The following ZNF585B variants were observed in gnomAD, a reference collection of about 807,000 sequenced individuals.
The protein encoded by ZNF585B is zinc finger protein 41-like protein.
ZNF585B carries 7 observed loss-of-function variants against 14.0 expected under a neutral mutation model. The observed-to-expected ratio is 0.50, with a 90% CI of 0.28 to 0.94. ZNF585B has a LOEUF of 0.94. Ranked by LOEUF, ZNF585B falls within the 40% of genes least tolerant of loss-of-function variation. ZNF585B has a pLI of 0.09. For synonymous variants in ZNF585B, 290 were observed against 317.3 expected (o/e 0.91, Z 0.91); for missense variants, 750 against 924.4 (o/e 0.81, Z 2.45).
intron 2 of ZNF585B, 23 bp downstream of exon 2, chr19:37,207,017 C>A: frequency 6.2e-7 from 1 of 1,613,028 alleles, no homozygotes; most frequent in Non-Finnish European, 8.5e-7. Flanking sequence ...GAAATTCCAC[C>A]CCTTGGGACT....
chr19:37,206,982 G>A (rs374949566), intron 2 of ZNF585B, 58 bp downstream of exon 2: 103 of 1,605,856 alleles, frequency 6.4e-5, no homozygotes, highest in Non-Finnish European at 8.4e-5. Flanking sequence ...TGTGGTGACA[G>A]ATTAGAGCTA....
rs138242364 is a variant in ZNF585B, at chr19:37,188,562, G to A, written c.292+1099C>T. ...CCCACCCCTGTAATCCCAGCTACTC[G>A]GGAGGCTGAGGCAAGAGAATCATTT... On this transcript the variant is annotated intron_variant, in intron 4 of 4. Coordinates refer to ENST00000532828, the MANE Select transcript of ZNF585B (RefSeq NM_152279.4). Among the ~76,000 whole-genome samples, 1,217 of 152,236 alleles carry A rather than the reference G, an allele frequency of 8.0e-3. 23 individuals are homozygous for A. Among genetic ancestry groups the A allele is most frequent in the African/African-American group, 0.028 (1,157 of 41,550 alleles).
intron 2 of ZNF585B, among the ~76,000 whole-genome samples, chr19:37,192,671 G>A (rs2145435584): frequency 1.3e-5 from 2 of 151,686 alleles, no homozygotes; most frequent in South Asian, 4.2e-4. Context: ...AATTAGCCAG[G>A]TGTGGTAGTG....
At chr19:37,194,615 A>AAAAC (rs886952365) in intron 2 of ZNF585B, among the ~76,000 whole-genome samples, 18 of 152,170 alleles carry the variant, frequency 1.2e-4, no homozygotes, top group African/African-American at 4.1e-4. Flanking sequence ...CTCCATCTCA[A>AAAAC]AAACAAACAA....
chr19:37,202,590 A>G (rs1038727897), intron 2 of ZNF585B, among the ~76,000 whole-genome samples: 2 of 137,770 alleles, frequency 1.5e-5, no homozygotes, highest in African/African-American at 2.6e-5. Flanking sequence ...TTGAAAATTT[A>G]TTTCTTATAA....
At chr19:37,192,962 C>T (rs1260695660) in intron 2 of ZNF585B, among the ~76,000 whole-genome samples, 1 of 151,888 alleles carries the variant, frequency 6.6e-6, no homozygotes, top group African/African-American at 2.4e-5. Flanking sequence ...GTTGAAACCC[C>T]CTCTCTACTA....
At chr19:37,191,747 G>A (rs1048003804) in intron 2 of ZNF585B, among the ~76,000 whole-genome samples, 7 of 151,924 alleles carry the variant, frequency 4.6e-5, no homozygotes, top group Non-Finnish European at 7.4e-5. Flanking sequence ...GAAATAGGCT[G>A]TCTTGGCTGG....
chr19:37,196,533 T>C (rs1291217959), intron 2 of ZNF585B, among the ~76,000 whole-genome samples: 1 of 152,106 alleles, frequency 6.6e-6, no homozygotes, highest in Non-Finnish European at 1.5e-5. Flanking sequence ...AGATTTCTTT[T>C]TTCAGTAAAA....
In ZNF585B at chr19:37,207,091, T is replaced by C. The variant is rs770153567; in HGVS notation, c.21A>G (p.Ser7=). 2 of 1,614,010 alleles carry C rather than the reference T, an allele frequency of 1.2e-6. No homozygotes were observed. Among genetic ancestry groups the C allele is most frequent in the African/African-American group, 2.7e-5 (2 of 74,926 alleles). ...GAGCCAGGGCTGAGGATTTCTGGGGTGAGGTCCAACTAGCTGGCATGGCCA... is the reference window on the plus strand; with the variant it reads ...GAGCCAGGGCTGAGGATTTCTGGGGCGAGGTCCAACTAGCTGGCATGGCCA... MPASWT[S]PQKSSALAPE... is the part of the protein sequence containing the mutation. Residue 7 remains serine (S), a synonymous_variant, in exon 2 of 5, where the codon TCA becomes TCG. Transcript: ENST00000532828.
intron 4 of ZNF585B, among the ~76,000 whole-genome samples, chr19:37,188,573 G>C (rs541995681): frequency 4.4e-4 from 67 of 152,314 alleles, no homozygotes; most frequent in Non-Finnish European, 8.4e-4. Context: ...GGAGGCTGAG[G>C]CAAGAGAATC....
In ZNF585B at chr19:37,185,641, T is replaced by C. The variant is rs763504494; in HGVS notation, c.1896A>G (p.Lys632=). 4.0e-5 allele frequency: 65 copies of C among 1,613,390 alleles called. No individual in the cohort carries two copies. Among genetic ancestry groups the C allele is most frequent in the Non-Finnish European group, 5.2e-5 (61 of 1,179,846 alleles). ...LVHQPVHTGE[K]PYVCAECGKA... ...TCCCACACTCGGCACACACATAGGG[T>C]TTCTCTCCTGTGTGAACTGGCTGAT... Residue 632 remains lysine (K), a synonymous_variant, in exon 5 of 5, where the codon AAA becomes AAG. Transcript: ENST00000532828.
rs780948630 is a variant in ZNF585B, at chr19:37,185,996, C to T, written c.1541G>A (p.Arg514Lys). The T allele has an allele frequency of 1.2e-6, 2 of 1,613,916 alleles. No individual in the cohort carries two copies. Among genetic ancestry groups the T allele is most frequent in the Non-Finnish European group, 1.7e-6 (2 of 1,179,984 alleles). The change falls in exon 5 of 5, where the codon AGA becomes AAA. Residue 514 changes from arginine to lysine, a missense_variant. Arg to Lys is a conservative substitution (Grantham distance 26). Around this residue, in one of 2 missense-constraint regions of ZNF585B, gnomAD observed 233 missense variants for 354.1 expected, o/e 0.66. Transcript: ENST00000532828. The part of the protein sequence containing the change: ...TQRSDLITHQ[R>K]IHTGEKPYEC... ...ATAAGGCTTCTCCCCAGTATGGATTCTCTGATGTGTAATCAAGTCTGACCT... is the reference window on the plus strand; with the variant it reads ...ATAAGGCTTCTCCCCAGTATGGATTTTCTGATGTGTAATCAAGTCTGACCT...
Position 37,205,844 on chromosome 19 carries a change from C to T in ZNF585B, c.72+1196G>A, listed in dbSNP as rs141195417. 7.9e-5 allele frequency among the ~76,000 whole-genome samples: 12 copies of T among 151,066 alleles called. No individual in the cohort carries two copies. The South Asian group carries it at 1.3e-3, about 16-fold the overall frequency. On this transcript the variant is annotated intron_variant, in intron 2 of 4. Transcript: ENST00000532828. ...CTGTAATCCCAGCACTTTGGGAGGC[C>T]GAAGCAGGTGGATCACCTGAGGGTC...
In ZNF585B at chr19:37,207,073, G is replaced by T; in HGVS notation, c.39C>A (p.Ala13=). 6.2e-7 allele frequency: 1 copy of T among 1,614,146 alleles called. No individual in the cohort carries two copies. Among genetic ancestry groups the T allele is most frequent in the Non-Finnish European group, 8.5e-7 (1 of 1,180,036 alleles). Residue 13 remains alanine, a synonymous_variant, in exon 2 of 5, where the codon GCC becomes GCA. Coordinates refer to ENST00000532828, the MANE Select transcript of ZNF585B (RefSeq NM_152279.4). ...AGCTGCCATGATCCTCTGGAGCCAG[G>T]GCTGAGGATTTCTGGGGTGAGGTCC... ...ASWTSPQKSS[A]LAPEDHGSSY... is the part of the protein sequence containing the mutation.
rs907810136 is a variant in ZNF585B, at chr19:37,190,255, AT to A, written c.73-106del. 4,066 of 1,340,652 alleles carry A rather than the reference AT, an allele frequency of 3.0e-3. 1 individual carries two copies. The highest frequency in any genetic ancestry group is 4.4e-3 in the South Asian group (285 of 64,264). 83.0% of individuals were successfully genotyped at this position (1,340,652 alleles called of 1,614,324 possible). ...GGTTTTGTTGTTTTTAATTTACTTC[AT>A]TTTTTTTTTGAGACAGTCTTGCTCT... On this transcript the variant is annotated intron_variant, in intron 2 of 4. Coordinates refer to ENST00000532828, the MANE Select transcript of ZNF585B (RefSeq NM_152279.4).
rs544214157 is a variant in ZNF585B at position 37,203,709 on chromosome 19, A to C, written c.72+3331T>G. Among the ~76,000 whole-genome samples the C allele has an allele frequency of 7.8e-4, 118 of 151,612 alleles. 5 individuals carry two copies. In the South Asian group the frequency reaches 0.023, roughly 29 times the overall value. On this transcript the variant is annotated intron_variant, in intron 2 of 4. Coordinates refer to ENST00000532828, the MANE Select transcript of ZNF585B (RefSeq NM_152279.4). ...AATGGTGTAATCTCGGCTCACCGAAACCTCCACCTCCCGGGTTCAAGCAAT... is the reference window on the plus strand; with the variant it reads ...AATGGTGTAATCTCGGCTCACCGAACCCTCCACCTCCCGGGTTCAAGCAAT...
chr19:37,189,524 A>G, intron 4 of ZNF585B, 137 bp downstream of exon 4: 1 of 870,374 alleles, frequency 1.1e-6, no homozygotes, highest in African/African-American at 1.7e-5. Flanking sequence ...GAGAGGCATC[A>G]AGCAATATAA....
At chr19:37,195,352 A>C (rs1972453133) in intron 2 of ZNF585B, among the ~76,000 whole-genome samples, 1 of 142,148 alleles carries the variant, frequency 7.0e-6, no homozygotes, top group African/African-American at 2.7e-5. Context: ...ACTCAAAAAA[A>C]AAAAAAAAAA....
At chr19:37,196,930 G>A (rs1304782783) in intron 2 of ZNF585B, among the ~76,000 whole-genome samples, 1 of 152,130 alleles carries the variant, frequency 6.6e-6, no homozygotes, top group African/African-American at 2.4e-5. Context: ...AGCGCCCCAA[G>A]CCTGCATCGT....
Sources: gnomAD v4.1 joint callset for allele counts (sites outside exome capture counted in the v4.1 genomes callset) on GRCh38, gnomAD v4.1.1 for gene constraint, gnomAD v4.1.1 regional missense constraint, MANE v1.5 for transcripts, NCBI Gene and HGNC (gene_info 2026-07-23, HGNC 2026-07-21) for gene names.